The following POU3F3 variants were observed in gnomAD, a reference collection of about 807,000 sequenced individuals.
The protein encoded by POU3F3 is POU domain, class 3, transcription factor 3.
In POU3F3, 1 loss-of-function variant was observed where a neutral mutation model predicts 8.6. That is an observed-to-expected ratio of 0.12 (90% CI 0.04 to 0.55). The LOEUF (loss-of-function observed/expected upper bound fraction) is 0.55. Among genes scored for constraint, POU3F3 ranks in the 20% least tolerant of loss-of-function variants. The pLI, the probability that POU3F3 is intolerant of heterozygous loss-of-function variation, is 0.91. For synonymous variants in POU3F3, 418 were observed against 327.4 expected, an observed-to-expected ratio of 1.28 and a Z score of -2.99; for missense variants, 577 against 690.7, an observed-to-expected ratio of 0.84 and a Z score of 1.84.
downstream of POU3F3, among the ~76,000 whole-genome samples, chr2:104,862,089 C>T (rs1055245684): frequency 2.0e-5 from 3 of 152,200 alleles, no homozygotes; most frequent in African/African-American, 7.2e-5. Flanking sequence ...AATTAGATTA[C>T]TCTCTCTTTC....
At chr2:104,861,012 T>C (rs546684140), downstream of POU3F3, among the ~76,000 whole-genome samples, 1 of 152,208 alleles carries the variant, frequency 6.6e-6, no homozygotes, top group South Asian at 2.1e-4. Context: ...ATTTTAACAA[T>C]TAAATTTGTT....
At chr2:104,889,262 G>A in the POU3F3 span, among the ~76,000 whole-genome samples, 2 of 152,182 alleles carry the variant, frequency 1.3e-5, no homozygotes, top group Non-Finnish European at 2.9e-5. Context: ...CACTTTGAAG[G>A]GTGAGAATAA....
chr2:104,857,090 CGCCGCCGCCGCCGCCGCCGCCGCCGCT>C lies in POU3F3; in HGVS notation c.*89_*115del, dbSNP rs1335544240. On this transcript the variant is annotated 3_prime_UTR_variant, in exon 1 of 1. Coordinates refer to ENST00000361360, the MANE Select transcript of POU3F3 (RefSeq NM_006236.3). ...CCGTCAGCACCGCCGCCGCCCCTGCCGCCGCCGCCGCCGCCGCCGCCGCCGCTGCCGCCGCCGCGCCGACCCTGCACC... is the reference window on the plus strand; with the variant it reads ...CCGTCAGCACCGCCGCCGCCCCTGCCGCCGCCGCCGCGCCGACCCTGCACC... 12 of 895,012 alleles carry C rather than the reference CGCCGCCGCCGCCGCCGCCGCCGCCGCT, an allele frequency of 1.3e-5. No homozygotes were observed. In the South Asian group the frequency reaches 1.5e-4, roughly 11 times the overall value. 55.4% of individuals were successfully genotyped at this position (895,012 alleles called of 1,614,324 possible). A position where few individuals can be genotyped will look rare whatever the true frequency, so the allele number is the denominator to read the frequency against.
rs1461080429 is a variant in POU3F3, at chr2:104,854,148, G to A, written c.-1363G>A. Among the ~76,000 whole-genome samples, 12 of 152,182 alleles carry A rather than the reference G, an allele frequency of 7.9e-5. No individual in the cohort carries two copies. The highest frequency in any genetic ancestry group is 7.9e-4 in the Admixed American group (12 of 15,280). On this transcript the variant is annotated 5_prime_UTR_variant, in exon 1 of 1. Transcript: ENST00000361360. This position sits in a 1 kb window ranked among gnomAD's most constrained non-coding sequence, Gnocchi z 4.5. The stretch of plus-strand genomic sequence containing the variant: ...GTCCCCGCTCTGAGAGGGAGGGACA[G>A]AGAGCGAACTGTCAGATCGGAGCGA...
chr2:104,872,223 G>C, the POU3F3 span: 1 of 456,264 alleles, frequency 2.2e-6, no homozygotes, highest in Admixed American at 2.4e-5. The surrounding 1 kb of genome is among the most constrained non-coding windows in gnomAD (Gnocchi z 4.6). Context: ...CCTCCTGTCC[G>C]CTCCCCGGCG....
the POU3F3 span, among the ~76,000 whole-genome samples, chr2:104,903,275 G>GCA: frequency 6.6e-6 from 1 of 152,166 alleles, no homozygotes; most frequent in Non-Finnish European, 1.5e-5. Context: ...TCTGATTTAT[G>GCA]TTAATATTAA....
chr2:104,926,333 G>T, the POU3F3 span, among the ~76,000 whole-genome samples: 1 of 152,054 alleles, frequency 6.6e-6, no homozygotes, highest in African/African-American at 2.4e-5. Context: ...ACATTTATGT[G>T]GCCAATAAAC....
At chr2:104,865,540 C>A in the POU3F3 span, 1 of 152,180 alleles carries the variant, frequency 6.6e-6, no homozygotes. Flanking sequence ...TCCTGGGAGA[C>A]CACACATTAG....
chr2:104,913,021 G>A, the POU3F3 span, among the ~76,000 whole-genome samples: 2 of 152,144 alleles, frequency 1.3e-5, no homozygotes, highest in Admixed American at 1.3e-4. Context: ...CATTTACCTA[G>A]ATTGAAAAGA....
At position 104,857,210 on chromosome 2, in the gene POU3F3, C is replaced by G. The variant is rs1453708102; in HGVS notation, c.*197C>G. 1 of 555,732 alleles carries G rather than the reference C, an allele frequency of 1.8e-6. No individual in the cohort carries two copies. Among genetic ancestry groups the G allele is most frequent in the Non-Finnish European group, 2.3e-6 (1 of 436,162 alleles). 34.4% of individuals were successfully genotyped at this position (555,732 alleles called of 1,614,324 possible). Reference sequence around the variant, plus strand: ...CCCTCCACCCAGAGACAGGCATGCCCGCCCTTGGAGGAGAAAACGCGGGAG... The same window carrying G: ...CCCTCCACCCAGAGACAGGCATGCCGGCCCTTGGAGGAGAAAACGCGGGAG... On this transcript the variant is annotated 3_prime_UTR_variant, in exon 1 of 1. Coordinates refer to ENST00000361360, the MANE Select transcript of POU3F3 (RefSeq NM_006236.3).
Position 104,855,431 on chromosome 2 carries a change from C to A in POU3F3, c.-80C>A, listed in dbSNP as rs1417580439. ...CGGGAGGCGGGGGGCGCGGCGGCGG[C>A]GGCGGCGGCGGCGGCCGCGGCTGCT... On this transcript the variant is annotated 5_prime_UTR_variant, in exon 1 of 1. Transcript: ENST00000361360. 3.0e-6 allele frequency: 2 copies of A among 676,338 alleles called. No homozygotes were observed. The highest frequency in any genetic ancestry group is 2.3e-5 in the African/African-American group (1 of 43,192). 41.9% of individuals were successfully genotyped at this position (676,338 alleles called of 1,614,324 possible).
rs1425084876 is a variant in POU3F3 at position 104,858,047 on chromosome 2, T to C, written c.*1034T>C. On this transcript the variant is annotated 3_prime_UTR_variant, in exon 1 of 1. Coordinates refer to ENST00000361360, the MANE Select transcript of POU3F3 (RefSeq NM_006236.3). ...ATTCAGGGTGGACGATGCCTAAAGA[T>C]TCCACCGCTAATATTTTTTTTATTA... 6.6e-6 allele frequency: 1 copy of C among 152,192 alleles called. No homozygotes were observed. Among genetic ancestry groups the C allele is most frequent in the East Asian group, 1.9e-4 (1 of 5,196 alleles). 9.4% of individuals were successfully genotyped at this position (152,192 alleles called of 1,614,324 possible). A position where few individuals can be genotyped will look rare whatever the true frequency, so the allele number is the denominator to read the frequency against.
At chr2:104,869,636 C>A in the POU3F3 span, among the ~76,000 whole-genome samples, 2 of 152,194 alleles carry the variant, frequency 1.3e-5, no homozygotes, top group South Asian at 2.1e-4. Flanking sequence ...AGTCAATAAA[C>A]CCAGAGCCAG....
the POU3F3 span, among the ~76,000 whole-genome samples, chr2:104,876,513 G>A: frequency 6.6e-5 from 10 of 152,112 alleles, no homozygotes; most frequent in African/African-American, 2.2e-4. Flanking sequence ...GGCTTACTTA[G>A]GATTTATGTG....
the POU3F3 span, among the ~76,000 whole-genome samples, chr2:104,926,702 C>T: frequency 6.6e-6 from 1 of 152,094 alleles, no homozygotes; most frequent in African/African-American, 2.4e-5. Flanking sequence ...AACCCAAATG[C>T]CCATCAATGA....
chr2:104,880,098 G>A, the POU3F3 span, among the ~76,000 whole-genome samples: 19 of 152,238 alleles, frequency 1.2e-4, no homozygotes, highest in African/African-American at 3.9e-4. Flanking sequence ...TTTTGGGAGT[G>A]CTACCTTAGA....
chr2:104,919,648 T>C, the POU3F3 span, among the ~76,000 whole-genome samples: 1 of 152,196 alleles, frequency 6.6e-6, no homozygotes, highest in Non-Finnish European at 1.5e-5. Flanking sequence ...TTCTCTCAAC[T>C]GAATGATAGC....
Position 104,856,257 on chromosome 2 carries a change from T to C in POU3F3, c.747T>C (p.Gly249=). 4 of 1,321,974 alleles carry C rather than the reference T, an allele frequency of 3.0e-6. No homozygotes were observed. Among genetic ancestry groups the C allele is most frequent in the Non-Finnish European group, 3.8e-6 (4 of 1,046,368 alleles). 81.9% of individuals were successfully genotyped at this position (1,321,974 alleles called of 1,614,324 possible). ...GPGGGGGGAG[G]GAQSLVHPGL... ...GCGGCGGCGGCGGCGGCGCGGGCGG[T>C]GGAGCCCAGAGCTTGGTGCACCCGG... Residue 249 remains glycine, a synonymous_variant, in exon 1 of 1, where the codon GGT becomes GGC. Coordinates refer to ENST00000361360, the MANE Select transcript of POU3F3 (RefSeq NM_006236.3).
At chr2:104,920,926 C>G in the POU3F3 span, among the ~76,000 whole-genome samples, 5 of 152,134 alleles carry the variant, frequency 3.3e-5, no homozygotes, top group Admixed American at 6.5e-5. Flanking sequence ...AGTCTCCCCC[C>G]ACATTCATGT....
Sources: gnomAD v4.1 joint callset for allele counts (sites outside exome capture counted in the v4.1 genomes callset) on GRCh38, gnomAD v4.1.1 for gene constraint, Gnocchi (gnomAD v3.1) non-coding constraint, MANE v1.5 for transcripts, NCBI Gene and HGNC (gene_info 2026-07-23, HGNC 2026-07-21) for gene names.